Variants in KDM4F observed in about 807,000 individuals in gnomAD.
KDM4F encodes the protein lysine demethylase 4F, also known as probable lysine-specific demethylase 4F.
For synonymous variants in KDM4F, 223 were observed against 184.4 expected (o/e 1.21, Z -1.70); for missense variants, 586 against 496.4 (o/e 1.18, Z -1.71).
chr11:95,050,772 G>C (rs1297373212), exon 1 of KDM4F: 1 of 649,226 alleles, frequency 1.5e-6, no homozygotes, highest in Non-Finnish European at 2.8e-6. Flanking sequence ...GGGGACTGAG[G>C]AGACAACTGT....
chr11:95,049,627 C>T, exon 1 of KDM4F: 2 of 1,598,644 alleles, frequency 1.3e-6, no homozygotes. Flanking sequence ...ATCTTAATAG[C>T]CACTCCCCTC....
exon 1 of KDM4F, chr11:95,050,584 C>T (rs1415133866): frequency 4.5e-6 from 3 of 666,664 alleles, no homozygotes; most frequent in Non-Finnish European, 8.1e-6. Context: ...ACTGTGGCCC[C>T]AAGGCTCTGT....
exon 1 of KDM4F, chr11:95,050,965 C>A (rs1446695319): frequency 4.2e-6 from 2 of 477,828 alleles, no homozygotes; most frequent in Non-Finnish European, 7.3e-6. Flanking sequence ...CCCCTGGGGC[C>A]CCCACTGGAT....
rs1308591151 is a variant in KDM4F at position 95,050,723 on chromosome 11, AGGTCGT to A, written c.1308_1313del (p.Gly441_Arg442del). On this transcript the variant is annotated inframe_deletion, in exon 1 of 1. Coordinates refer to ENST00000545950, the Ensembl canonical transcript of KDM4F. ...CTTGTCGTGGCTGTGGTCGTGGTCG[AGGTCGT>A]GGTCGAGGCCGTGGTCGTCGTCCTC... 1.9e-5 allele frequency: 12 copies of A among 636,982 alleles called. No homozygotes were observed. In the Admixed American group the frequency reaches 3.0e-4, roughly 16 times the overall value. The allele number at this position is 636,982 out of a possible 1,614,324, so 39.5% of individuals were successfully genotyped here. A position where few individuals can be genotyped will look rare whatever the true frequency, so the allele number is the denominator to read the frequency against.
chr11:95,051,141 G>T (rs1292194625), exon 1 of KDM4F: 1 of 400,354 alleles, frequency 2.5e-6, no homozygotes, highest in East Asian at 3.6e-5. Context: ...TCTGGCCAAG[G>T]TTGTAGCAAT....
At chr11:95,050,569 C>T in exon 1 of KDM4F, 2 of 679,632 alleles carry the variant, frequency 2.9e-6, no homozygotes, top group Admixed American at 2.1e-5. Flanking sequence ...AGCTGTCCCA[C>T]ACGGACTGTG....
chr11:95,050,342 T>C lies in KDM4F; in HGVS notation c.921T>C (p.Cys307=), dbSNP rs573624502. 8 of 1,205,618 alleles carry C rather than the reference T, an allele frequency of 6.6e-6. No homozygotes were observed. In the South Asian group the frequency reaches 8.7e-5, roughly 13 times the overall value. 74.7% of individuals were successfully genotyped at this position (1,205,618 alleles called of 1,614,324 possible). A position where few individuals can be genotyped will look rare whatever the true frequency, so the allele number is the denominator to read the frequency against. Residue 307 remains cysteine (C), a synonymous_variant, in exon 1 of 1, where the codon TGT becomes TGC. Coordinates refer to ENST00000545950, the Ensembl canonical transcript of KDM4F. Reference sequence around the variant, plus strand: ...ATTATGGTAAAGTGGCTTCACAGTGTAGCTGTGGCGAGGCGAGAGTGACCT... The same window carrying C: ...ATTATGGTAAAGTGGCTTCACAGTGCAGCTGTGGCGAGGCGAGAGTGACCT...
At chr11:95,049,545 C>A (rs572085053) in exon 1 of KDM4F, 47 of 1,595,200 alleles carry the variant, frequency 2.9e-5, no homozygotes, top group Non-Finnish European at 3.7e-5. Context: ...AGGCGCACAC[C>A]GAGCTGGCCT....
chr11:95,050,383 T>G, exon 1 of KDM4F: 1 of 939,172 alleles, frequency 1.1e-6, no homozygotes, highest in South Asian at 1.3e-5. Context: ...ATGGATGCCT[T>G]CGTGCGCATC....
chr11:95,050,357 G>C, exon 1 of KDM4F: 1 of 1,103,286 alleles, frequency 9.1e-7, no homozygotes. Context: ...GTGGCGAGGC[G>C]AGAGTGACCT....
At chr11:95,050,559 A>G in exon 1 of KDM4F, 1 of 690,196 alleles carries the variant, frequency 1.4e-6, no homozygotes, top group South Asian at 1.5e-5. Context: ...CCACATAACC[A>G]GCTGTCCCAC....
chr11:95,049,782 C>T, the KDM4F span: 40 of 1,600,454 alleles, frequency 2.5e-5, no homozygotes, highest in East Asian at 7.0e-4. Context: ...TTTGGAGCAA[C>T]GATACTGGAA....
exon 1 of KDM4F, chr11:95,049,566 A>G (rs1032450713): frequency 6.3e-6 from 10 of 1,597,590 alleles, no homozygotes; most frequent in Non-Finnish European, 8.5e-6. Flanking sequence ...CGCCAAGGTA[A>G]TTCCACCCAA....
chr11:95,051,314 G>C, exon 1 of KDM4F: 1 of 398,650 alleles, frequency 2.5e-6, no homozygotes, highest in Non-Finnish European at 4.4e-6. Flanking sequence ...CATGGCCATT[G>C]AATATGGTGT....
At chr11:95,049,985 G>A in the KDM4F span, 1 of 1,614,206 alleles carries the variant, frequency 6.2e-7, no homozygotes, top group African/African-American at 1.3e-5. Flanking sequence ...CGTTTGCTTG[G>A]CACACGGAGG....
chr11:95,049,802 C>G, exon 1 of KDM4F: 1 of 1,593,536 alleles, frequency 6.3e-7, no homozygotes, highest in Non-Finnish European at 8.5e-7. Context: ...AGAGCCACCC[C>G]GGTAATCCAC....
exon 1 of KDM4F, chr11:95,050,018 C>A (rs1858495072): frequency 6.2e-7 from 1 of 1,613,954 alleles, no homozygotes; most frequent in African/African-American, 1.3e-5. Context: ...ACAGCATCAA[C>A]TACCTGCACT....
At chr11:95,050,203 T>G (rs1189879731) in exon 1 of KDM4F, 1 of 1,557,730 alleles carries the variant, frequency 6.4e-7, no homozygotes, top group Admixed American at 1.7e-5. Flanking sequence ...TTCAATCGCA[T>G]GACTCAGGAG....
chr11:95,050,203 T>C (rs1189879731), exon 1 of KDM4F: 5 of 1,557,848 alleles, frequency 3.2e-6, no homozygotes, highest in Non-Finnish European at 4.4e-6. Flanking sequence ...TTCAATCGCA[T>C]GACTCAGGAG....
Sources: allele counts gnomAD v4.1 joint callset, GRCh38; gene constraint gnomAD v4.1.1; transcripts MANE v1.5; gene names NCBI Gene and HGNC (gene_info 2026-07-23, HGNC 2026-07-21).